TMEM247: variants seen among roughly 807,000 people sequenced by gnomAD.
TMEM247 encodes the protein transmembrane protein 247, also known as transmembrane protein ENSP00000343375.
In TMEM247, 23 loss-of-function variants were observed where a neutral mutation model predicts 20.7. The ratio of observed to expected loss-of-function variants is 1.11; its 90% CI spans 0.80 to 1.57. The LOEUF (loss-of-function observed/expected upper bound fraction) is 1.57. TMEM247 is among the 40% of genes most tolerant of loss of function. The pLI is 0.00. For synonymous variants in TMEM247, 106 were observed against 111.9 expected, an observed-to-expected ratio of 0.95 and a Z score of 0.33; for missense variants, 354 against 283.8, an observed-to-expected ratio of 1.25 and a Z score of -1.78.
Position 46,480,593 on chromosome 2 carries a change from C to T in TMEM247, c.306C>T (p.Pro102=), listed in dbSNP as rs927060156. 3.9e-6 allele frequency: 6 copies of T among 1,551,272 alleles called. No homozygotes were observed. The South Asian group carries it at 4.8e-5, about 12-fold the overall frequency. ...CGACCCCTGGGACTGAGCGCAATCC[C>T]GAGATGGAGCTGGAGAAGGTGCGCA... The change falls in exon 2 of 3, where the codon CCC becomes CCT. Residue 102 remains proline, a synonymous_variant. Transcript: ENST00000434431.
chr2:46,480,457 A>T lies in TMEM247; in HGVS notation c.170A>T (p.Glu57Val), dbSNP rs371653273. The change falls in exon 2 of 3, where the codon GAA becomes GTA. Residue 57 changes from glutamate (E) to valine (V), a missense_variant. Transcript: ENST00000434431. Reference sequence around the variant, plus strand: ...TCCTATGACTACTTGGAAGAGATGGAAGCTTGTGAGGACGGAGGCTGCCAA... The same window carrying T: ...TCCTATGACTACTTGGAAGAGATGGTAGCTTGTGAGGACGGAGGCTGCCAA... 3.0e-4 allele frequency: 459 copies of T among 1,551,556 alleles called. 3 individuals carry two copies. In the African/African-American group the frequency reaches 5.8e-3, roughly 20 times the overall value.
chr2:46,480,900 C>T, intron 2 of TMEM247, 136 bp downstream of exon 2: 1 of 1,248,258 alleles, frequency 8.0e-7, no homozygotes. Context: ...CTGAAAGGGG[C>T]TGAGCATCCA....
chr2:46,479,616 G>A, exon 1 of TMEM247: 3 of 1,551,776 alleles, frequency 1.9e-6, no homozygotes, highest in South Asian at 1.2e-5. Flanking sequence ...GATGATGGAA[G>A]CCCGGGGTGC....
rs775828245 is a variant in TMEM247, at chr2:46,480,791, G to C, written c.477+27G>C. On this transcript the variant is annotated intron_variant, in intron 2 of 2. Transcript: ENST00000434431. ...TGGGTGACAAGGAACGGGGCACTGG[G>C]AGGAGGGAGGCCTGGAGCTGAAGTC... 28 of 1,525,746 alleles carry C rather than the reference G, an allele frequency of 1.8e-5. No individual in the cohort carries two copies. The African/African-American group carries it at 3.9e-4, about 21-fold the overall frequency. The allele number at this position is 1,525,746 out of a possible 1,614,324, so 94.5% of individuals were successfully genotyped here.
At chr2:46,484,322 A>G (rs1572686265) in exon 3 of TMEM247, 1 of 1,552,310 alleles carries the variant, frequency 6.4e-7, no homozygotes, top group Non-Finnish European at 8.7e-7. Context: ...CTTCATTCAC[A>G]TCATCTATGT....
At chr2:46,480,465 G>A (rs1558643174) in exon 2 of TMEM247, 1 of 1,551,662 alleles carries the variant, frequency 6.4e-7, no homozygotes, top group Admixed American at 2.0e-5. Context: ...GGAAGCTTGT[G>A]AGGACGGAGG....
At chr2:46,480,882 G>C in intron 2 of TMEM247, 118 bp downstream of exon 2, 1 of 1,344,064 alleles carries the variant, frequency 7.4e-7, no homozygotes, top group Non-Finnish European at 9.9e-7. Flanking sequence ...GCAGATCCTG[G>C]ATCTCGGCTG....
Position 46,480,777 on chromosome 2 carries a change from G to T in TMEM247, c.477+13G>T, listed in dbSNP as rs963166856. ...GGCGCCCCGCCTGGTGGGTGACAAG[G>T]AACGGGGCACTGGGAGGAGGGAGGC... On this transcript the variant is annotated intron_variant, in intron 2 of 2. Coordinates refer to ENST00000434431, the Ensembl canonical transcript of TMEM247. The T allele has an allele frequency of 5.8e-6, 7 of 1,211,924 alleles. No homozygotes were observed. Among genetic ancestry groups the T allele is most frequent in the Non-Finnish European group, 5.2e-6 (5 of 956,592 alleles). 75.1% of individuals were successfully genotyped at this position (1,211,924 alleles called of 1,614,324 possible).
chr2:46,480,572 C>G, exon 2 of TMEM247: 14 of 1,551,640 alleles, frequency 9.0e-6, no homozygotes, highest in Non-Finnish European at 1.1e-5. Context: ...TGCCCCCGAC[C>G]CCTGGGACTG....
In TMEM247 at chr2:46,480,400, G is replaced by T. The variant is rs763267098; in HGVS notation, c.118-5G>T. On this transcript the variant is annotated splice_polypyrimidine_tract_variant and splice_region_variant and intron_variant, in intron 1 of 2. Coordinates refer to ENST00000434431, the Ensembl canonical transcript of TMEM247. Reference sequence around the variant, plus strand: ...TACCTCCCCTCCCTGCTTCCCCTACGCCAGGAGGCAGAGTCCCAGAAGCCA... The same window carrying T: ...TACCTCCCCTCCCTGCTTCCCCTACTCCAGGAGGCAGAGTCCCAGAAGCCA... 5.2e-6 allele frequency: 8 copies of T among 1,536,434 alleles called. No homozygotes were observed. The African/African-American group carries it at 1.1e-4, about 21-fold the overall frequency.
intron 2 of TMEM247, among the ~76,000 whole-genome samples, chr2:46,482,897 T>A (rs1686916240): frequency 6.6e-6 from 1 of 152,250 alleles, no homozygotes; most frequent in African/African-American, 2.4e-5. Context: ...AACAGTGATG[T>A]GTCCCCATCC....
exon 2 of TMEM247, chr2:46,480,616 G>C (rs549670167): frequency 1.4e-6 from 2 of 1,455,024 alleles, no homozygotes; most frequent in African/African-American, 3.0e-5. Context: ...GAGAAGGTGC[G>C]CATGGAGTTC....
chr2:46,481,234 A>G (rs1686884397), intron 2 of TMEM247, among the ~76,000 whole-genome samples: 1 of 152,156 alleles, frequency 6.6e-6, no homozygotes, highest in Admixed American at 6.5e-5. Flanking sequence ...GTGGATTTTG[A>G]TAGAACCATC....
At chr2:46,482,125 G>C (rs1360496414) in intron 2 of TMEM247, among the ~76,000 whole-genome samples, 1 of 152,090 alleles carries the variant, frequency 6.6e-6, no homozygotes, top group Non-Finnish European at 1.5e-5. Context: ...AGCACGTGCT[G>C]GCTTCTTAAA....
intron 2 of TMEM247, among the ~76,000 whole-genome samples, chr2:46,481,299 A>T (rs1321665937): frequency 6.6e-6 from 1 of 152,220 alleles, no homozygotes; most frequent in African/African-American, 2.4e-5. Context: ...CTTCTAGTCA[A>T]CTGAAACAGC....
chr2:46,479,667 G>T (rs538750265), exon 1 of TMEM247: 55 of 1,551,670 alleles, frequency 3.5e-5, no homozygotes, highest in Non-Finnish European at 4.7e-5. Flanking sequence ...GGTGCCTGGT[G>T]ACTCCAAGTC....
chr2:46,483,656 G>A (rs1349968214), intron 2 of TMEM247, among the ~76,000 whole-genome samples: 2 of 152,248 alleles, frequency 1.3e-5, no homozygotes, highest in Non-Finnish European at 2.9e-5. Context: ...GAGAAAGGAA[G>A]GTGGTGGCCT....
exon 3 of TMEM247, chr2:46,484,281 A>T: frequency 6.4e-7 from 1 of 1,551,790 alleles, no homozygotes; most frequent in South Asian, 1.2e-5. Flanking sequence ...CTGCCCCAGA[A>T]CCAGTTTGCC....
intron 2 of TMEM247, among the ~76,000 whole-genome samples, chr2:46,482,905 T>C (rs982300733): frequency 3.3e-5 from 5 of 152,234 alleles, no homozygotes; most frequent in Non-Finnish European, 5.9e-5. Flanking sequence ...TGTGTCCCCA[T>C]CCTCCAGCCT....
Sources: gnomAD v4.1 joint callset for allele counts (sites outside exome capture counted in the v4.1 genomes callset) on GRCh38, gnomAD v4.1.1 for gene constraint, MANE v1.5 for transcripts, NCBI Gene and HGNC (gene_info 2026-07-23, HGNC 2026-07-21) for gene names.